Variants in TRMT1L observed in about 807,000 individuals in gnomAD.
The protein encoded by TRMT1L is tRNA (guanine(27)-N(2))-dimethyltransferase.
Under a neutral mutation model 81.6 loss-of-function variants are expected in TRMT1L, and 28 were observed. The ratio of observed to expected loss-of-function variants is 0.34; its 90% confidence interval spans 0.25 to 0.47. The LOEUF (loss-of-function observed/expected upper bound fraction) is 0.47, where lower values mean the gene tolerates loss of function less well. TRMT1L is among the 20% of genes least tolerant of loss of function. TRMT1L has a pLI of 1.00. For missense variants in TRMT1L, 739 were observed against 877.1 expected (o/e 0.84, Z 1.99); for synonymous variants, 301 against 303.2 (o/e 0.99, Z 0.07).
At position 185,148,123 on chromosome 1, in the gene TRMT1L, T is replaced by C. The variant is rs1198255824; in HGVS notation, c.461-877A>G. ...AGTCCTGGATGACTTCTTTTTTCCA[T>C]CAATATGTATTCTTTTAGTTACTTA... On this transcript the variant is annotated intron_variant, in intron 3 of 14. Transcript: ENST00000367506. Among the ~76,000 whole-genome samples the C allele has an allele frequency of 2.6e-5, 4 of 152,300 alleles. No homozygotes were observed. The East Asian group carries it at 7.7e-4, about 29-fold the overall frequency.
chr1:185,154,464 A>G (rs1208706599), intron 1 of TRMT1L, among the ~76,000 whole-genome samples: 1 of 152,352 alleles, frequency 6.6e-6, no homozygotes, highest in East Asian at 1.9e-4. Context: ...AAACTTCTTC[A>G]TGTTTCATAA....
rs780906966 is a variant in TRMT1L at position 185,133,596 on chromosome 1, CT to C, written c.1513+4009del. Among the ~76,000 whole-genome samples the C allele has an allele frequency of 9.3e-3, 1,283 of 137,684 alleles. 4 individuals carry two copies. Among genetic ancestry groups the C allele is most frequent in the African/African-American group, 0.012 (464 of 37,594 alleles). The allele number at this position is 137,684 out of a possible 152,430, so 90.3% of individuals were successfully genotyped here. A position where few individuals can be genotyped will look rare whatever the true frequency, so the allele number is the denominator to read the frequency against. On this transcript the variant is annotated intron_variant, in intron 10 of 14. Coordinates refer to ENST00000367506, the MANE Select transcript of TRMT1L (RefSeq NM_030934.5). ...CTCACTCTCTGGTTCTTCTGACTTG[CT>C]TTTTTTTTTTTTTTTTAAGAGATGG...
At chr1:185,148,380 A>G (rs1653244122) in intron 3 of TRMT1L, among the ~76,000 whole-genome samples, 2 of 152,046 alleles carry the variant, frequency 1.3e-5, no homozygotes, top group African/African-American at 4.8e-5. Context: ...CCATTTCTCT[A>G]CTTGCTCAAG....
At chr1:185,121,418 A>C (rs1267417312) in intron 13 of TRMT1L, among the ~76,000 whole-genome samples, 1 of 152,006 alleles carries the variant, frequency 6.6e-6, no homozygotes, top group Non-Finnish European at 1.5e-5. Context: ...GTCTAGCCTG[A>C]GCAACACAGT....
Position 185,120,071 on chromosome 1 carries a change from A to G in TRMT1L, c.2150T>C (p.Val717Ala), listed in dbSNP as rs143307217. Residue 717 changes from valine to alanine, a missense_variant, in exon 15 of 15, where the codon GTT (valine) becomes GCT (alanine). Val to Ala is a moderately conservative substitution (Grantham distance 64, BLOSUM62 0). This residue lies in a region of TRMT1L where 196 missense variants were observed against 232.6 expected (regional missense o/e 0.84). Transcript: ENST00000367506. ...SASEDTVTER[V>A]EMSVNDKAEA... Reference sequence around the variant, plus strand: ...TGCTTTGTCATTCACTGACATTTCAACTCTTTCAGTTACTGTATCTTCAGA... The same window carrying G: ...TGCTTTGTCATTCACTGACATTTCAGCTCTTTCAGTTACTGTATCTTCAGA... The G allele has an allele frequency of 7.6e-5, 122 of 1,613,686 alleles. No individual in the cohort carries two copies. Among genetic ancestry groups the G allele is most frequent in the Non-Finnish European group, 9.7e-5 (115 of 1,179,898 alleles).
At chr1:185,136,532 A>G (rs1462798569) in intron 10 of TRMT1L, among the ~76,000 whole-genome samples, 1 of 152,256 alleles carries the variant, frequency 6.6e-6, no homozygotes, top group East Asian at 1.9e-4. Flanking sequence ...TGAAAAGCAT[A>G]TCATATTTGT....
chr1:185,122,967 G>A (rs1286835687), intron 13 of TRMT1L, among the ~76,000 whole-genome samples: 2 of 152,136 alleles, frequency 1.3e-5, no homozygotes, highest in Non-Finnish European at 1.5e-5. Context: ...TTATAGGCAT[G>A]AGCCACTATG....
rs745661025 is a variant in TRMT1L at position 185,140,176 on chromosome 1, T to C, written c.906A>G (p.Lys302=). The part of the protein sequence containing the change: ...QWAKHLGNAV[K]VTINDLNENS... ...TTTCATTCAAGTCATTGATTGTAAC[T>C]TTGACTGCATTTCCAAGATGTTTTG... Residue 302 remains lysine (K), a synonymous_variant, in exon 8 of 15, where the codon AAA becomes AAG. Coordinates refer to ENST00000367506, the MANE Select transcript of TRMT1L (RefSeq NM_030934.5). 4.3e-6 allele frequency: 7 copies of C among 1,613,682 alleles called. No individual in the cohort carries two copies. The highest frequency in any genetic ancestry group is 1.7e-4 in the Middle Eastern group (1 of 6,058).
At chr1:185,156,353 C>T in intron 1 of TRMT1L, 125 bp downstream of exon 1, 1 of 1,604,826 alleles carries the variant, frequency 6.2e-7, no homozygotes, top group Non-Finnish European at 8.5e-7. Flanking sequence ...CCTCTTTCCT[C>T]CCCACCATTT....
chr1:185,156,408 C>T, intron 1 of TRMT1L, 70 bp downstream of exon 1: 3 of 1,612,722 alleles, frequency 1.9e-6, no homozygotes, highest in Non-Finnish European at 2.5e-6. Context: ...GGTGAAGGGC[C>T]TCCCCTACTT....
chr1:185,145,312 A>G (rs978903870), intron 5 of TRMT1L, 127 bp downstream of exon 5: 10 of 958,918 alleles, frequency 1.0e-5, no homozygotes, highest in South Asian at 2.2e-5. Flanking sequence ...AGCTGAAGTA[A>G]TGGACTAGTG....
At position 185,118,249 on chromosome 1, in the gene TRMT1L, G is replaced by A. The variant is rs1329078158; in HGVS notation, c.*1770C>T. ...AATTTTTAAAGTATTTCCTCTTTTG[G>A]TTGATGTAGTACCTGATCAGAGTTC... On this transcript the variant is annotated 3_prime_UTR_variant, in exon 15 of 15. Coordinates refer to ENST00000367506, the MANE Select transcript of TRMT1L (RefSeq NM_030934.5). 2 of 152,094 alleles carry A rather than the reference G, an allele frequency of 1.3e-5. No individual in the cohort carries two copies. The highest frequency in any genetic ancestry group is 2.9e-5 in the Non-Finnish European group (2 of 67,998). 9.4% of individuals were successfully genotyped at this position (152,094 alleles called of 1,614,324 possible).
intron 10 of TRMT1L, among the ~76,000 whole-genome samples, chr1:185,133,591 ACTTG>A (rs1466426872): frequency 2.0e-5 from 3 of 147,552 alleles, no homozygotes; most frequent in Non-Finnish European, 4.5e-5. Flanking sequence ...GGTTCTTCTG[ACTTG>A]CTTTTTTTTT....
intron 2 of TRMT1L, among the ~76,000 whole-genome samples, chr1:185,150,789 T>C (rs960115229): frequency 6.6e-6 from 1 of 152,158 alleles, no homozygotes; most frequent in African/African-American, 2.4e-5. Context: ...CCGGCCAAAT[T>C]TTCTGCCACT....
At chr1:185,147,093 A>G in intron 4 of TRMT1L, 89 bp downstream of exon 4, 1 of 834,464 alleles carries the variant, frequency 1.2e-6, no homozygotes, top group South Asian at 1.6e-5. Flanking sequence ...ACTGCTGAAC[A>G]TACACATTTT....
chr1:185,145,690 C>T, intron 4 of TRMT1L, 122 bp from the exon 5 acceptor site: 1 of 940,854 alleles, frequency 1.1e-6, no homozygotes, highest in Non-Finnish European at 1.5e-6. Context: ...TTTAATTTTG[C>T]CATGTGACTT....
At chr1:185,123,183 C>T (rs2102227850) in intron 13 of TRMT1L, among the ~76,000 whole-genome samples, 1 of 152,260 alleles carries the variant, frequency 6.6e-6, no homozygotes, top group South Asian at 2.1e-4. Context: ...TGAAGGTCAA[C>T]ATTAAACTGC....
intron 1 of TRMT1L, among the ~76,000 whole-genome samples, chr1:185,152,288 T>G (rs934078457): frequency 2.6e-5 from 4 of 152,216 alleles, no homozygotes; most frequent in African/African-American, 9.6e-5. Flanking sequence ...CTAACTATCA[T>G]ATGAGATAGG....
intron 10 of TRMT1L, among the ~76,000 whole-genome samples, chr1:185,130,773 T>C (rs1435162439): frequency 6.6e-6 from 1 of 152,176 alleles, no homozygotes; most frequent in Non-Finnish European, 1.5e-5. Flanking sequence ...TTAGTTACAG[T>C]TGAGAGTGAG....
Sources: gnomAD v4.1 joint callset for allele counts (sites outside exome capture counted in the v4.1 genomes callset) on GRCh38, gnomAD v4.1.1 for gene constraint, gnomAD v4.1.1 regional missense constraint, MANE v1.5 for transcripts, NCBI Gene and HGNC (gene_info 2026-07-23, HGNC 2026-07-21) for gene names.